LAMA2: variants seen among roughly 807,000 people sequenced by gnomAD.
LAMA2 encodes the protein laminin subunit alpha-2.
A neutral mutation model predicts 364.8 loss-of-function variants in LAMA2; 269 were observed. The ratio of observed to expected loss-of-function variants is 0.74; its 90% CI spans 0.67 to 0.82. The LOEUF (loss-of-function observed/expected upper bound fraction) is 0.82. Among genes scored for constraint, LAMA2 ranks in the 40% least tolerant of loss-of-function variants. The pLI is 0.00. For missense variants in LAMA2, 3,807 were observed against 3,873.2 expected (o/e 0.98, Z 0.45); for synonymous variants, 1,379 against 1,370.6 (o/e 1.01, Z -0.14).
At chr6:129,062,912 G>GTT (rs368817743) in intron 3 of LAMA2, among the ~76,000 whole-genome samples, 1,987 of 129,982 alleles carry the variant, frequency 0.015, 24 homozygotes, top group African/African-American at 0.028. Context: ...ATTACAGTGG[G>GTT]TTTTTTTTTT....
intron 3 of LAMA2, among the ~76,000 whole-genome samples, chr6:129,065,539 A>G (rs1324276758): frequency 2.0e-5 from 3 of 152,228 alleles, no homozygotes; most frequent in African/African-American, 4.8e-5. Flanking sequence ...GTTAGAACTA[A>G]TAAACAAATT....
At chr6:129,183,602 G>A (rs1186584716) in intron 10 of LAMA2, among the ~76,000 whole-genome samples, 1 of 151,798 alleles carries the variant, frequency 6.6e-6, no homozygotes, top group Non-Finnish European at 1.5e-5. Flanking sequence ...GTAGCATCTG[G>A]AATTTTATAA....
chr6:128,995,537 T>G (rs1240665498), intron 1 of LAMA2, among the ~76,000 whole-genome samples: 1 of 152,184 alleles, frequency 6.6e-6, no homozygotes, highest in African/African-American at 2.4e-5. Context: ...TTGGCCGGGC[T>G]GGTCTTGAAC....
chr6:129,178,335 G>C (rs1780736220), intron 10 of LAMA2, among the ~76,000 whole-genome samples: 1 of 152,040 alleles, frequency 6.6e-6, no homozygotes, highest in Non-Finnish European at 1.5e-5. Flanking sequence ...TTATAAAAAA[G>C]TACAAAGCCC....
At chr6:129,282,634 C>G (rs979778403) in intron 18 of LAMA2, among the ~76,000 whole-genome samples, 1 of 152,102 alleles carries the variant, frequency 6.6e-6, no homozygotes, top group Non-Finnish European at 1.5e-5. Context: ...TTCTGCTGAC[C>G]TATCCCTTTT....
intron 18 of LAMA2, among the ~76,000 whole-genome samples, chr6:129,282,555 G>T (rs1027823544): frequency 6.6e-6 from 1 of 152,118 alleles, no homozygotes; most frequent in Non-Finnish European, 1.5e-5. Flanking sequence ...TATAATGTCT[G>T]TGTGTATATG....
In LAMA2 at chr6:129,192,822, GGAGCGC is replaced by G. The variant is rs764531803; in HGVS notation, c.1753_1758del (p.Ser585_Ala586del). 6.2e-7 allele frequency: 1 copy of G among 1,614,098 alleles called. No homozygotes were observed. Among genetic ancestry groups the G allele is most frequent in the Non-Finnish European group, 8.5e-7 (1 of 1,179,986 alleles). ...CAAGCCCTGCCGCACAGCTACTACT[GGAGCGC>G]GCCGGCTCCCTATCTGGGAAACAAA... On this transcript the variant is annotated inframe_deletion, in exon 12 of 65. Coordinates refer to ENST00000421865, the MANE Select transcript of LAMA2 (RefSeq NM_000426.4).
At chr6:128,911,420 C>G (rs1457460282) in intron 1 of LAMA2, among the ~76,000 whole-genome samples, 1 of 152,160 alleles carries the variant, frequency 6.6e-6, no homozygotes, top group Non-Finnish European at 1.5e-5. Flanking sequence ...CCCATCACCC[C>G]TTTCTTTGAC....
intron 15 of LAMA2, among the ~76,000 whole-genome samples, chr6:129,266,270 C>T (rs1787505801): frequency 6.6e-6 from 1 of 152,034 alleles, no homozygotes; most frequent in Non-Finnish European, 1.5e-5. Flanking sequence ...GTAGTAATCC[C>T]CACAGATGGA....
intron 1 of LAMA2, among the ~76,000 whole-genome samples, chr6:128,975,036 T>C (rs549863476): frequency 4.0e-4 from 61 of 152,132 alleles, no homozygotes; most frequent in Admixed American, 2.9e-3. Context: ...GTATTTTTAG[T>C]AGAGACGAGG....
intron 37 of LAMA2, among the ~76,000 whole-genome samples, chr6:129,397,939 A>G (rs1036014108): frequency 4.0e-3 from 80 of 19,766 alleles, no homozygotes; most frequent in Non-Finnish European, 0.01. Context: ...TCCGTCTCAG[A>G]AAAAAAAAAA....
At chr6:128,926,823 A>G (rs1313500542) in intron 1 of LAMA2, among the ~76,000 whole-genome samples, 2 of 152,318 alleles carry the variant, frequency 1.3e-5, no homozygotes, top group East Asian at 1.9e-4. Flanking sequence ...ATGTTTTAGT[A>G]TTCATCAGAT....
At chr6:129,291,817 A>G in intron 20 of LAMA2, 97 bp downstream of exon 20, 1 of 833,416 alleles carries the variant, frequency 1.2e-6, no homozygotes, top group Non-Finnish European at 2.0e-6. Context: ...ATTAAAAGGA[A>G]GGTTTGGGAT....
In LAMA2 at chr6:128,906,710, C is replaced by T. The variant is rs1673555303; in HGVS notation, c.112+23353C>T. On this transcript the variant is annotated intron_variant, in intron 1 of 64. Transcript: ENST00000421865. ...GTGTTTTAGACATGAAGTCCTTACC[C>T]ATGCCTATGTCCTGAATGGTACTGC... is the stretch of plus-strand genomic sequence containing the variant. Among the ~76,000 whole-genome samples, 4 of 152,090 alleles carry T rather than the reference C, an allele frequency of 2.6e-5. No homozygotes were observed. In the South Asian group the frequency reaches 8.3e-4, roughly 32 times the overall value.
Position 129,227,288 on chromosome 6 carries a change from A to G in LAMA2, c.1783-22824A>G, listed in dbSNP as rs1193868068. On this transcript the variant is annotated intron_variant, in intron 12 of 64. Coordinates refer to ENST00000421865, the MANE Select transcript of LAMA2 (RefSeq NM_000426.4). ...GTGATGGGTTCGAACTTCCTCCTTTAGCTCAGAGAAGTTTGATCGTCTGAA... is the reference window on the plus strand; with the variant it reads ...GTGATGGGTTCGAACTTCCTCCTTTGGCTCAGAGAAGTTTGATCGTCTGAA... Among the ~76,000 whole-genome samples the G allele has an allele frequency of 2.0e-5, 3 of 152,244 alleles. No individual in the cohort carries two copies. In the East Asian group the frequency reaches 5.8e-4, roughly 29 times the overall value.
intron 40 of LAMA2, among the ~76,000 whole-genome samples, chr6:129,422,653 GATAA>G (rs1353416696): frequency 1.2e-4 from 18 of 152,106 alleles, no homozygotes; most frequent in African/African-American, 3.9e-4. Context: ...AAAACTCACA[GATAA>G]ATAATCTGAA....
chr6:129,404,813 A>G (rs1041810347), intron 40 of LAMA2, among the ~76,000 whole-genome samples: 1 of 152,234 alleles, frequency 6.6e-6, no homozygotes, highest in South Asian at 2.1e-4. Context: ...AAACTGATCA[A>G]TATTTTCTTT....
intron 2 of LAMA2, 44 bp downstream of exon 2, chr6:129,050,132 A>G (rs1212802219): frequency 1.2e-6 from 2 of 1,600,252 alleles, no homozygotes; most frequent in East Asian, 2.2e-5. Flanking sequence ...GGTAGGATCT[A>G]TAATTGTGAG....
At chr6:129,071,550 T>G (rs1773313477) in intron 3 of LAMA2, among the ~76,000 whole-genome samples, 1 of 152,140 alleles carries the variant, frequency 6.6e-6, no homozygotes, top group Non-Finnish European at 1.5e-5. Flanking sequence ...GCCTACAATT[T>G]GCCTCTACAT....
Sources: allele counts gnomAD v4.1 joint callset (sites outside exome capture counted in the v4.1 genomes callset), GRCh38; gene constraint gnomAD v4.1.1; transcripts MANE v1.5; gene names NCBI Gene and HGNC (gene_info 2026-07-23, HGNC 2026-07-21).